SLC25A48: variants seen among roughly 807,000 people sequenced by gnomAD.
SLC25A48 encodes the protein CTC-321K16.1.
A neutral mutation model predicts 32.2 loss-of-function variants in SLC25A48; 29 were observed. That is an observed-to-expected ratio of 0.90 (90% CI 0.67 to 1.23). SLC25A48 has a LOEUF of 1.23. Among genes scored for constraint, SLC25A48 ranks in the 50% most tolerant of loss-of-function variants. The probability of loss-of-function intolerance (pLI) is 0.00; values close to 1 mark genes in which losing one functional copy is unlikely to be tolerated. For missense variants in SLC25A48, 399 were observed against 422.7 expected, an observed-to-expected ratio of 0.94 and a Z score of 0.49; for synonymous variants, 164 against 172.3, an observed-to-expected ratio of 0.95 and a Z score of 0.38.
chr5:135,808,323 A>G (rs1757511453), intron 3 of SLC25A48, among the ~76,000 whole-genome samples: 1 of 151,680 alleles, frequency 6.6e-6, no homozygotes, highest in East Asian at 1.9e-4. Flanking sequence ...CTATATATCT[A>G]TGAATTATCT....
At chr5:135,751,965 C>G (rs931738599) in intron 3 of SLC25A48, among the ~76,000 whole-genome samples, 1 of 151,984 alleles carries the variant, frequency 6.6e-6, no homozygotes, top group Non-Finnish European at 1.5e-5. Flanking sequence ...GATATCCAAA[C>G]AGAAAAAAAT....
intron 3 of SLC25A48, among the ~76,000 whole-genome samples, chr5:135,800,618 G>C (rs1757297212): frequency 6.6e-6 from 1 of 151,752 alleles, no homozygotes; most frequent in Non-Finnish European, 1.5e-5. Flanking sequence ...CCTCCCGGGT[G>C]ATGTTGTTTC....
rs952629573 is a variant in SLC25A48, at chr5:135,678,044, A to G, written c.-521+43088A>G. Among the ~76,000 whole-genome samples, 5 of 152,292 alleles carry G rather than the reference A, an allele frequency of 3.3e-5. No homozygotes were observed. The South Asian group carries it at 8.3e-4, about 25-fold the overall frequency. ...ATTTAGGGGTCACCGGGCCTCCTGT[A>G]TCTGGATGTCTAAATTTCTTGCTAG... On this transcript the variant is annotated intron_variant, in intron 3 of 10. Coordinates refer to the SLC25A48 transcript ENST00000646290.
At chr5:135,676,305 A>G (rs889101258) in intron 3 of SLC25A48, among the ~76,000 whole-genome samples, 2 of 151,656 alleles carry the variant, frequency 1.3e-5, no homozygotes, top group Non-Finnish European at 3.0e-5. Flanking sequence ...GATCTTTTGT[A>G]TTTCTGTGGT....
At chr5:135,590,905 A>T (rs1397239488) in intron 1 of SLC25A48, among the ~76,000 whole-genome samples, 1 of 152,254 alleles carries the variant, frequency 6.6e-6, no homozygotes, top group African/African-American at 2.4e-5. Context: ...GCACATGCCC[A>T]TTGGCGATGA....
At chr5:135,784,610 A>T (rs926704065) in intron 3 of SLC25A48, among the ~76,000 whole-genome samples, 2 of 117,694 alleles carry the variant, frequency 1.7e-5, no homozygotes, top group African/African-American at 5.2e-5. Flanking sequence ...AGGAGAGGTT[A>T]TTATTACTCT....
chr5:135,694,734 A>G (rs1284843629), intron 3 of SLC25A48, among the ~76,000 whole-genome samples: 2 of 152,024 alleles, frequency 1.3e-5, no homozygotes, highest in Non-Finnish European at 2.9e-5. Flanking sequence ...CTACGGGCAC[A>G]TGCCACCATG....
chr5:135,840,400 C>T (rs1044344503), intron 1 of SLC25A48, among the ~76,000 whole-genome samples: 2 of 152,160 alleles, frequency 1.3e-5, no homozygotes, highest in Admixed American at 6.5e-5. Context: ...TTACACATAC[C>T]CTACCCCGCT....
intron 6 of SLC25A48, chr5:135,875,526 G>A (rs1009804233): frequency 2.0e-5 from 3 of 152,240 alleles, no homozygotes; most frequent in Admixed American, 1.3e-4. Context: ...CCAGCCCTTA[G>A]TATTCAATCA....
chr5:135,625,774 A>C (rs1752428595), intron 1 of SLC25A48, among the ~76,000 whole-genome samples: 1 of 152,132 alleles, frequency 6.6e-6, no homozygotes, highest in Non-Finnish European at 1.5e-5. Flanking sequence ...GCAGGAGACA[A>C]ACCACCCTAG....
chr5:135,657,360 AG>A (rs1753277438), intron 3 of SLC25A48, among the ~76,000 whole-genome samples: 1 of 152,254 alleles, frequency 6.6e-6, no homozygotes, highest in African/African-American at 2.4e-5. Context: ...GCTGTAGAAC[AG>A]GGCTTTCTGT....
At chr5:135,748,587 C>G (rs1755696552) in intron 3 of SLC25A48, among the ~76,000 whole-genome samples, 1 of 152,086 alleles carries the variant, frequency 6.6e-6, no homozygotes, top group Non-Finnish European at 1.5e-5. Flanking sequence ...AGTTATTCTC[C>G]TTTCGCTGAG....
intron 3 of SLC25A48, among the ~76,000 whole-genome samples, chr5:135,756,362 C>T (rs988906976): frequency 6.6e-6 from 1 of 151,918 alleles, no homozygotes; most frequent in Admixed American, 6.6e-5. Flanking sequence ...ATGATATTTA[C>T]AATACCTAGT....
chr5:135,870,182 A>C (rs1008122443), intron 4 of SLC25A48, among the ~76,000 whole-genome samples: 1 of 152,196 alleles, frequency 6.6e-6, no homozygotes, highest in Non-Finnish European at 1.5e-5. Flanking sequence ...AGATTGGAAC[A>C]CTGTACAGAG....
intron 3 of SLC25A48, among the ~76,000 whole-genome samples, chr5:135,770,409 C>G (rs193267617): frequency 8.6e-4 from 130 of 151,728 alleles, no homozygotes; most frequent in Non-Finnish European, 1.3e-3. Flanking sequence ...TGATATTACT[C>G]CCAGTATCGC....
At chr5:135,725,382 G>T (rs1755065718) in intron 3 of SLC25A48, among the ~76,000 whole-genome samples, 1 of 152,176 alleles carries the variant, frequency 6.6e-6, no homozygotes. Context: ...TGGCCCTTCT[G>T]AGGAAGTGCA....
intron 2 of SLC25A48, among the ~76,000 whole-genome samples, chr5:135,843,599 T>C (rs1174473775): frequency 6.6e-6 from 1 of 152,164 alleles, no homozygotes; most frequent in Non-Finnish European, 1.5e-5. Flanking sequence ...CTTCTGTATT[T>C]TGAAGAGTCA....
chr5:135,630,331 T>C (rs1034291877), intron 2 of SLC25A48, among the ~76,000 whole-genome samples: 6 of 152,146 alleles, frequency 3.9e-5, no homozygotes, highest in Non-Finnish European at 8.8e-5. Context: ...AATCTCTTCC[T>C]TAGCTTTGAG....
chr5:135,672,373 G>A (rs749648208), intron 3 of SLC25A48, among the ~76,000 whole-genome samples: 22 of 152,278 alleles, frequency 1.4e-4, no homozygotes, highest in Non-Finnish European at 2.6e-4. Context: ...AGCTGTCATC[G>A]GTGCCTGAGA....
Sources: gnomAD v4.1 joint callset for allele counts (sites outside exome capture counted in the v4.1 genomes callset) on GRCh38, gnomAD v4.1.1 for gene constraint, MANE v1.5 for transcripts, NCBI Gene and HGNC (gene_info 2026-07-23, HGNC 2026-07-21) for gene names.